EML6: variants seen among roughly 807,000 people sequenced by gnomAD.
EML6 encodes echinoderm microtubule-associated protein-like 6.
A neutral mutation model predicts 240.1 loss-of-function variants in EML6; 154 were observed. The observed-to-expected ratio is 0.64, with a 90% confidence interval of 0.56 to 0.73. The LOEUF (loss-of-function observed/expected upper bound fraction) is 0.73, where lower values mean the gene tolerates loss of function less well. EML6 is among the 30% of genes least tolerant of loss of function. EML6 has a pLI of 0.00. For missense variants in EML6, 2,964 were observed against 2,474.6 expected (o/e 1.20, Z -4.20); for synonymous variants, 1,148 against 899.0 (o/e 1.28, Z -4.95).
intron 11 of EML6, among the ~76,000 whole-genome samples, chr2:54,856,427 A>C (rs1670383210): frequency 6.6e-6 from 1 of 152,166 alleles, no homozygotes; most frequent in Admixed American, 6.5e-5. Context: ...TCAGCAACCC[A>C]CAAAAGTATC....
intron 17 of EML6, among the ~76,000 whole-genome samples, chr2:54,884,154 C>G (rs944089338): frequency 5.9e-5 from 9 of 152,202 alleles, no homozygotes. Context: ...TTCCCCTCAT[C>G]CCACCTTGGG....
intron 10 of EML6, among the ~76,000 whole-genome samples, chr2:54,850,507 C>T (rs1351105410): frequency 6.6e-6 from 1 of 151,878 alleles, no homozygotes; most frequent in African/African-American, 2.4e-5. Flanking sequence ...GGCATAAATT[C>T]TTGCCATTGT....
At chr2:54,961,187 T>TTTTTTTTTTTTTTTTTTTTTTTTTG (rs1676489117) in intron 35 of EML6, among the ~76,000 whole-genome samples, 1 of 5,318 alleles carries the variant, frequency 1.9e-4, no homozygotes, top group Non-Finnish European at 3.9e-4. Context: ...GGAAGTAGTT[T>TTTTTTTTTTTTTTTTTTTTTTTTTG]TTTTTTTTTT....
intron 25 of EML6, among the ~76,000 whole-genome samples, chr2:54,914,342 T>C (rs72927862): frequency 0.046 from 7,030 of 152,248 alleles, 553 homozygotes; most frequent in African/African-American, 0.16. Flanking sequence ...CAATTTCTCC[T>C]GTGGATTTAA....
chr2:54,847,541 G>A lies in EML6; in HGVS notation c.1105G>A (p.Val369Ile), dbSNP rs1177391598. Residue 369 changes from valine to isoleucine, a missense_variant, in exon 9 of 42, where the codon GTT (valine) becomes ATT (isoleucine). Val to Ile is a conservative substitution (Grantham distance 29, BLOSUM62 3). Transcript: ENST00000356458. ...CGCCCGCTGTAACATGGAAGAGGCG[G>A]TTCGCAGTGTAGCTTTCAGCCCCGA... The part of the protein sequence containing the change: ...LIARCNMEEA[V>I]RSVAFSPDGS... 1 of 1,552,216 alleles carries A rather than the reference G, an allele frequency of 6.4e-7. No individual in the cohort carries two copies. The highest frequency in any genetic ancestry group is 8.7e-7 in the Non-Finnish European group (1 of 1,147,114).
intron 21 of EML6, among the ~76,000 whole-genome samples, chr2:54,898,999 C>T (rs571986115): frequency 6.6e-5 from 10 of 152,318 alleles, no homozygotes; most frequent in Non-Finnish European, 1.3e-4. Context: ...GCTTATTAAG[C>T]ACCTTTCAGT....
rs1311730485 is a variant in EML6, at chr2:54,916,735, T to C, written c.3499-24T>C. ...AAACAAACTAGGTTGTGCAAAAATATCATTCTCTTTCGTTCTTTTTCAGAT... is the reference window on the plus strand; with the variant it reads ...AAACAAACTAGGTTGTGCAAAAATACCATTCTCTTTCGTTCTTTTTCAGAT... On this transcript the variant is annotated intron_variant, in intron 25 of 41. Transcript: ENST00000356458. 7 of 1,467,268 alleles carry C rather than the reference T, an allele frequency of 4.8e-6. No individual in the cohort carries two copies. In the Admixed American group the frequency reaches 6.8e-5, roughly 14 times the overall value. The allele number at this position is 1,467,268 out of a possible 1,614,324, so 90.9% of individuals were successfully genotyped here.
intron 8 of EML6, among the ~76,000 whole-genome samples, chr2:54,845,141 C>A (rs1409535831): frequency 1.3e-5 from 2 of 152,200 alleles, no homozygotes; most frequent in Non-Finnish European, 1.5e-5. Flanking sequence ...CATCAAAATA[C>A]AATTAGTGTA....
chr2:54,958,885 A>C (rs1676359475), intron 33 of EML6, among the ~76,000 whole-genome samples: 1 of 151,748 alleles, frequency 6.6e-6, no homozygotes, highest in South Asian at 2.1e-4. Context: ...TCAGATGCCC[A>C]AGCCAGTTAA....
At chr2:54,927,688 C>T (rs555870636) in intron 26 of EML6, among the ~76,000 whole-genome samples, 1 of 152,250 alleles carries the variant, frequency 6.6e-6, no homozygotes, top group South Asian at 2.1e-4. Flanking sequence ...CTGGGCACAC[C>T]ACTCCAAAAA....
chr2:54,836,121 C>T (rs1403653691), intron 7 of EML6, among the ~76,000 whole-genome samples: 5 of 152,176 alleles, frequency 3.3e-5, no homozygotes, highest in Admixed American at 1.3e-4. Context: ...GAGGCCCGAG[C>T]CTCAGGAGCT....
At chr2:54,930,515 ACT>A (rs752093492) in intron 28 of EML6, among the ~76,000 whole-genome samples, 24 of 151,044 alleles carry the variant, frequency 1.6e-4, no homozygotes, top group Admixed American at 2.6e-4. Context: ...CACTGGAATG[ACT>A]CTTTTTTTTT....
chr2:54,949,151 C>T (rs1269827166), intron 29 of EML6, among the ~76,000 whole-genome samples, 191 bp downstream of exon 29: 1 of 152,070 alleles, frequency 6.6e-6, no homozygotes, highest in African/African-American at 2.4e-5. Flanking sequence ...GCCACTGTAT[C>T]GTATTCCTGC....
chr2:54,905,448 C>T (rs1673278340), intron 24 of EML6, among the ~76,000 whole-genome samples: 1 of 151,454 alleles, frequency 6.6e-6, no homozygotes, highest in East Asian at 1.9e-4. Context: ...ATTATTGTTT[C>T]TATTACGGAG....
At chr2:54,801,145 C>T (rs1173652425) in intron 2 of EML6, among the ~76,000 whole-genome samples, 1 of 151,674 alleles carries the variant, frequency 6.6e-6, no homozygotes, top group Non-Finnish European at 1.5e-5. Context: ...ACAGTGAAAC[C>T]CCGTCTCTAC....
chr2:54,907,458 G>C (rs1445464475), intron 24 of EML6, among the ~76,000 whole-genome samples: 7 of 152,214 alleles, frequency 4.6e-5, no homozygotes, highest in Non-Finnish European at 1.0e-4. Context: ...AGGGAGCTGA[G>C]ATGGCACCAC....
chr2:54,891,006 A>G (rs1345487022), intron 17 of EML6, 48 bp from the exon 18 acceptor site: 1 of 888,814 alleles, frequency 1.1e-6, no homozygotes, highest in East Asian at 2.7e-5. Context: ...TAAAACTGTT[A>G]CTGCTTCCAT....
chr2:54,813,087 A>G (rs964109782), intron 2 of EML6, 145 bp from the exon 3 acceptor site: 2 of 611,038 alleles, frequency 3.3e-6, no homozygotes, highest in African/African-American at 1.8e-5. Flanking sequence ...AGTCAAATCA[A>G]GTAATTAATT....
chr2:54,788,281 A>G (rs1209673816), intron 2 of EML6, among the ~76,000 whole-genome samples: 6 of 152,158 alleles, frequency 3.9e-5, no homozygotes. Flanking sequence ...TGGCATCTGT[A>G]AGTAACACCG....
Sources: allele counts gnomAD v4.1 joint callset (sites outside exome capture counted in the v4.1 genomes callset), GRCh38; gene constraint gnomAD v4.1.1; transcripts MANE v1.5; gene names NCBI Gene and HGNC (gene_info 2026-07-23, HGNC 2026-07-21).